The following IL1RAPL1 variants were observed in gnomAD, a reference collection of about 807,000 sequenced individuals.
The protein encoded by IL1RAPL1 is interleukin 1 receptor accessory protein like 1.
In IL1RAPL1, 3 loss-of-function variants were observed where a neutral mutation model predicts 48.4. The ratio of observed to expected loss-of-function variants is 0.06; its 90% CI spans 0.03 to 0.16. IL1RAPL1 has a LOEUF of 0.16. Ranked by LOEUF, IL1RAPL1 falls within the 10% of genes least tolerant of loss-of-function variation. IL1RAPL1 has a pLI of 1.00. For synonymous variants in IL1RAPL1, 185 were observed against 187.7 expected (o/e 0.99, Z 0.12); for missense variants, 349 against 530.6 (o/e 0.66, Z 3.36).
At chrX:29,505,194 A>G (rs1410764977) in intron 5 of IL1RAPL1, among the ~76,000 whole-genome samples, 1 of 111,948 alleles carries the variant, frequency 8.9e-6, no homozygotes, top group South Asian at 3.7e-4. Context: ...ATAGATTTAT[A>G]TTGCCTATCT....
Position 29,901,853 on chromosome X carries a change from T to C in IL1RAPL1, c.779-15611T>C, listed in dbSNP as rs1351946667. Among the ~76,000 whole-genome samples, 6 of 112,486 alleles carry C rather than the reference T, an allele frequency of 5.3e-5. No individual in the cohort carries two copies. In the East Asian group the frequency reaches 1.7e-3, roughly 31 times the overall value. ...AAAGAGCAGAAATAAAGGATGTGCC[T>C]TATCAAGATGTAATCACAAATATTG... On this transcript the variant is annotated intron_variant, in intron 6 of 10. Coordinates refer to ENST00000378993, the MANE Select transcript of IL1RAPL1 (RefSeq NM_014271.4).
intron 5 of IL1RAPL1, among the ~76,000 whole-genome samples, chrX:29,526,661 C>A (rs1935556223): frequency 9.0e-6 from 1 of 111,500 alleles, no homozygotes. Context: ...TTACAAAAAT[C>A]TCACAAAATA....
intron 6 of IL1RAPL1, among the ~76,000 whole-genome samples, chrX:29,779,758 G>T (rs1264432766): frequency 9.0e-6 from 1 of 111,645 alleles, no homozygotes; most frequent in Non-Finnish European, 1.9e-5. Context: ...ACTAAAGTCA[G>T]TCAAAATGAA....
At position 29,175,280 on chromosome X, in the gene IL1RAPL1, G is replaced by C. The variant is rs139999603; in HGVS notation, c.83-107658G>C. Among the ~76,000 whole-genome samples, 385 of 111,195 alleles carry C rather than the reference G, an allele frequency of 3.5e-3. 1 individual carries two copies. Among genetic ancestry groups the C allele is most frequent in the South Asian group, 6.7e-3 (18 of 2,688 alleles). On this transcript the variant is annotated intron_variant, in intron 2 of 10. Transcript: ENST00000378993. ...TCACTACTTATTTATGTTTTGAATT[G>C]AGATTTGTTTATTTTTTTCCACTGC...
chrX:28,677,241 A>T (rs1337343064), intron 1 of IL1RAPL1, among the ~76,000 whole-genome samples: 1 of 111,315 alleles, frequency 9.0e-6, no homozygotes, highest in Non-Finnish European at 1.9e-5. Flanking sequence ...GCATTTAAAG[A>T]TCTTTATGTT....
intron 2 of IL1RAPL1, among the ~76,000 whole-genome samples, chrX:28,965,795 T>A (rs751154630): frequency 1.1e-4 from 12 of 112,135 alleles, no homozygotes; most frequent in African/African-American, 1.9e-4. Context: ...TGAAATTATT[T>A]AGTAAAGCCA....
intron 2 of IL1RAPL1, among the ~76,000 whole-genome samples, chrX:28,901,147 A>G (rs113280917): frequency 6.2e-5 from 7 of 112,049 alleles, no homozygotes; most frequent in African/African-American, 2.3e-4. Flanking sequence ...ATGCAAATGA[A>G]AGAAAAAAAT....
intron 5 of IL1RAPL1, among the ~76,000 whole-genome samples, chrX:29,498,058 A>G (rs936213550): frequency 8.9e-6 from 1 of 112,482 alleles, no homozygotes; most frequent in African/African-American, 3.2e-5. Context: ...GGCACGCAAT[A>G]AGGTTGTCCT....
chrX:29,623,243 C>G (rs1470063271), intron 5 of IL1RAPL1, among the ~76,000 whole-genome samples: 1 of 107,666 alleles, frequency 9.3e-6, no homozygotes, highest in Non-Finnish European at 1.9e-5. Context: ...AGATGCGCCA[C>G]TGCACTCCAG....
At position 28,939,809 on chromosome X, in the gene IL1RAPL1, C is replaced by T. The variant is rs545750335; in HGVS notation, c.82+150384C>T. ...TTGAACATAAAATAACATTGAATCT[C>T]GTCATCAGAGTATCTTGGATTAGAC... On this transcript the variant is annotated intron_variant, in intron 2 of 10. Coordinates refer to ENST00000378993, the MANE Select transcript of IL1RAPL1 (RefSeq NM_014271.4). 1.1e-4 allele frequency among the ~76,000 whole-genome samples: 12 copies of T among 111,497 alleles called. No individual in the cohort carries two copies. In the South Asian group the frequency reaches 4.0e-3, roughly 38 times the overall value.
chrX:29,944,974 T>G (rs865866435), intron 9 of IL1RAPL1, among the ~76,000 whole-genome samples: 7 of 110,953 alleles, frequency 6.3e-5, no homozygotes, highest in African/African-American at 2.3e-4. Context: ...AGTAATCATC[T>G]TCTTCATCCT....
chrX:28,612,846 A>G (rs1934167447), intron 1 of IL1RAPL1, among the ~76,000 whole-genome samples: 2 of 112,164 alleles, frequency 1.8e-5, no homozygotes, highest in Admixed American at 9.5e-5. Flanking sequence ...AACAGGCTCT[A>G]ATGGCTAGTA....
intron 2 of IL1RAPL1, among the ~76,000 whole-genome samples, chrX:28,840,529 G>A (rs1321535946): frequency 9.0e-6 from 1 of 110,525 alleles, no homozygotes; most frequent in Admixed American, 9.6e-5. Flanking sequence ...TTTATCCTTT[G>A]TATTACAAAC....
intron 3 of IL1RAPL1, among the ~76,000 whole-genome samples, chrX:29,284,480 C>A (rs973029278): frequency 8.9e-6 from 1 of 112,516 alleles, no homozygotes; most frequent in Non-Finnish European, 1.9e-5. Flanking sequence ...TGGTGGCTCA[C>A]GCCTGTAATC....
At chrX:29,166,577 G>T (rs183993530) in intron 2 of IL1RAPL1, among the ~76,000 whole-genome samples, 1 of 111,761 alleles carries the variant, frequency 8.9e-6, no homozygotes, top group Admixed American at 9.5e-5. Flanking sequence ...ATTTTTTAAT[G>T]TGTAAAATTT....
At chrX:29,594,567 A>G (rs1386236262) in intron 5 of IL1RAPL1, among the ~76,000 whole-genome samples, 1 of 111,695 alleles carries the variant, frequency 9.0e-6, no homozygotes, top group African/African-American at 3.2e-5. Flanking sequence ...CAGAACCATA[A>G]TAAAAAATTT....
intron 3 of IL1RAPL1, among the ~76,000 whole-genome samples, chrX:29,329,150 A>AAC (rs1235950616): frequency 9.0e-6 from 1 of 111,039 alleles, no homozygotes; most frequent in Admixed American, 9.6e-5. Flanking sequence ...CAAGATTCTA[A>AAC]ACACACACAC....
At chrX:29,425,822 G>A (rs535598546) in intron 5 of IL1RAPL1, among the ~76,000 whole-genome samples, 12 of 110,179 alleles carry the variant, frequency 1.1e-4, no homozygotes, top group Admixed American at 1.1e-3. Context: ...TGATCCACTC[G>A]CCTCAGCCTC....
intron 5 of IL1RAPL1, among the ~76,000 whole-genome samples, chrX:29,662,198 T>C (rs772624224): frequency 1.8e-5 from 2 of 111,669 alleles, no homozygotes; most frequent in Non-Finnish European, 3.8e-5. Flanking sequence ...TGGCATTCTT[T>C]GCCCTCTCTT....
Sources: gnomAD v4.1 joint callset for allele counts (sites outside exome capture counted in the v4.1 genomes callset) on GRCh38, gnomAD v4.1.1 for gene constraint, MANE v1.5 for transcripts, NCBI Gene and HGNC (gene_info 2026-07-23, HGNC 2026-07-21) for gene names.